The following NTRK2 variants were observed in gnomAD, a reference collection of about 807,000 sequenced individuals.
NTRK2 encodes neurotrophic receptor tyrosine kinase 2, also known as BDNF/NT-3 growth factors receptor.
In NTRK2, 13 loss-of-function variants were observed where a neutral mutation model predicts 94.5. The observed-to-expected ratio is 0.14, with a 90% CI of 0.09 to 0.22. The LOEUF is 0.22. Ranked by LOEUF, NTRK2 falls within the 10% of genes least tolerant of loss-of-function variation. The pLI, the probability that NTRK2 is intolerant of heterozygous loss-of-function variation, is 1.00. For synonymous variants in NTRK2, 372 were observed against 407.4 expected (o/e 0.91, Z 1.05); for missense variants, 639 against 1,071.2 (o/e 0.60, Z 5.63).
At chr9:84,761,683 C>T (rs111373957) in intron 12 of NTRK2, among the ~76,000 whole-genome samples, 2,433 of 152,240 alleles carry the variant, frequency 0.016, 76 homozygotes, top group African/African-American at 0.055. Context: ...TTACTGTTGA[C>T]ATATGAAATA....
At chr9:84,927,512 G>C (rs2077865005) in intron 14 of NTRK2, among the ~76,000 whole-genome samples, 1 of 152,056 alleles carries the variant, frequency 6.6e-6, no homozygotes, top group Non-Finnish European at 1.5e-5. Context: ...TAGGTGCATA[G>C]TAAAAGTTTA....
chr9:84,704,225 C>CTTTTTT (rs773413015), intron 4 of NTRK2, among the ~76,000 whole-genome samples: 26 of 93,706 alleles, frequency 2.8e-4, no homozygotes, highest in Middle Eastern at 8.1e-3. Flanking sequence ...TGGTGGTATT[C>CTTTTTT]TTTTTTTTTT....
intron 9 of NTRK2, among the ~76,000 whole-genome samples, chr9:84,732,481 TGGA>T (rs1444619388): frequency 6.6e-6 from 1 of 152,232 alleles, no homozygotes; most frequent in African/African-American, 2.4e-5. Flanking sequence ...CCTCACTGAT[TGGA>T]GGAGAACTCT....
At chr9:84,851,963 C>T (rs1039039820) in intron 12 of NTRK2, among the ~76,000 whole-genome samples, 8 of 152,110 alleles carry the variant, frequency 5.3e-5, no homozygotes, top group Non-Finnish European at 7.4e-5. Context: ...ATTGCAAAGG[C>T]GTTTCTAAAC....
chr9:84,852,021 G>A (rs961290869), intron 12 of NTRK2, among the ~76,000 whole-genome samples: 3 of 152,300 alleles, frequency 2.0e-5, no homozygotes, highest in Non-Finnish European at 4.4e-5. Flanking sequence ...TGGAGAGCAC[G>A]GCCTTCCTTC....
intron 12 of NTRK2, among the ~76,000 whole-genome samples, chr9:84,847,165 C>A (rs998585802): frequency 6.6e-5 from 10 of 152,168 alleles, no homozygotes; most frequent in East Asian, 1.9e-4. Context: ...GTCAAACATG[C>A]CTTTGAAGAG....
At chr9:84,900,784 G>T (rs2076903376) in intron 14 of NTRK2, among the ~76,000 whole-genome samples, 1 of 152,094 alleles carries the variant, frequency 6.6e-6, no homozygotes, top group South Asian at 2.1e-4. Context: ...AAACACAAAG[G>T]CCTCATTGTA....
intron 12 of NTRK2, among the ~76,000 whole-genome samples, chr9:84,835,851 G>A (rs1867283): frequency 0.4 from 60,862 of 152,060 alleles, 13,959 homozygotes; most frequent in South Asian, 0.53. Flanking sequence ...GAGGCATTTC[G>A]GCATTTCCCC....
At chr9:84,808,665 A>G (rs2071403376) in intron 12 of NTRK2, among the ~76,000 whole-genome samples, 1 of 152,242 alleles carries the variant, frequency 6.6e-6, no homozygotes, top group African/African-American at 2.4e-5. Context: ...GGAGACAGAT[A>G]TGAAGGAGAA....
intron 12 of NTRK2, among the ~76,000 whole-genome samples, chr9:84,761,429 T>A (rs1455669318): frequency 6.6e-6 from 1 of 152,168 alleles, no homozygotes; most frequent in Non-Finnish European, 1.5e-5. Context: ...GAGCCTTTCC[T>A]GCACTTGCTT....
At chr9:84,928,834 CT>C (rs763487116) in intron 14 of NTRK2, among the ~76,000 whole-genome samples, 22 of 152,138 alleles carry the variant, frequency 1.4e-4, no homozygotes, top group Non-Finnish European at 2.9e-4. Flanking sequence ...AGGCCATTAT[CT>C]TTTAGAGTAT....
chr9:84,834,803 C>T (rs1564368057), intron 12 of NTRK2, among the ~76,000 whole-genome samples: 2 of 152,184 alleles, frequency 1.3e-5, no homozygotes, highest in African/African-American at 4.8e-5. Flanking sequence ...TATAGCTTAG[C>T]AGGGCTGCCT....
intron 2 of NTRK2, among the ~76,000 whole-genome samples, chr9:84,690,837 C>T (rs780111406): frequency 1.3e-5 from 2 of 151,896 alleles, no homozygotes; most frequent in Non-Finnish European, 2.9e-5. Flanking sequence ...ACTTACTAAC[C>T]CATTTCTTGA....
At chr9:84,890,080 T>G (rs2076551394) in intron 14 of NTRK2, among the ~76,000 whole-genome samples, 1 of 152,216 alleles carries the variant, frequency 6.6e-6, no homozygotes, top group Admixed American at 6.5e-5. Flanking sequence ...CCCAACTTCT[T>G]TAGTTCTTTT....
chr9:84,692,468 C>CTTTTTTTTTTTTTTTTTTTTTTT (rs71369138), intron 2 of NTRK2, among the ~76,000 whole-genome samples: 17 of 87,690 alleles, frequency 1.9e-4, no homozygotes, highest in Non-Finnish European at 2.8e-4. Context: ...TTCTTTTTTT[C>CTTTTTTTTTTTTTTTTTTTTTTT]TTTTTTTTTT....
intron 17 of NTRK2, among the ~76,000 whole-genome samples, chr9:84,972,170 A>T (rs543288941): frequency 6.6e-6 from 1 of 152,228 alleles, no homozygotes; most frequent in Admixed American, 6.5e-5. Flanking sequence ...AAATGTGGAC[A>T]TACTAGCTAC....
intron 6 of NTRK2, among the ~76,000 whole-genome samples, chr9:84,720,493 C>G (rs2131973583): frequency 6.6e-6 from 1 of 152,224 alleles, no homozygotes; most frequent in Middle Eastern, 3.4e-3. Context: ...TTTCATGATC[C>G]TGACATCAGG....
chr9:84,749,781 A>T lies in NTRK2; in HGVS notation c.1297-2205A>T, dbSNP rs115784135. 4.6e-3 allele frequency among the ~76,000 whole-genome samples: 700 copies of T among 152,346 alleles called. 7 individuals are homozygous for T. The highest frequency in any genetic ancestry group is 0.016 in the African/African-American group (663 of 41,588). ...TTAAGTAATTCTGAAGTCATGCAGCAGAGTGAGAAATCTAGATTTTATACT... is the reference window on the plus strand; with the variant it reads ...TTAAGTAATTCTGAAGTCATGCAGCTGAGTGAGAAATCTAGATTTTATACT... On this transcript the variant is annotated intron_variant, in intron 11 of 18. Transcript: ENST00000277120.
At chr9:84,867,104 T>C (rs1554756660) in intron 13 of NTRK2, 139 bp from the exon 14 acceptor site, 3 of 763,618 alleles carry the variant, frequency 3.9e-6, no homozygotes, top group South Asian at 1.7e-5. Flanking sequence ...AAGTAGATTA[T>C]AGTGATTATT....
Sources: allele counts gnomAD v4.1 joint callset (sites outside exome capture counted in the v4.1 genomes callset), GRCh38; gene constraint gnomAD v4.1.1; transcripts MANE v1.5; gene names NCBI Gene and HGNC (gene_info 2026-07-23, HGNC 2026-07-21).